Variants in OSBPL3 observed in about 807,000 individuals in gnomAD.
OSBPL3 encodes the protein oxysterol binding protein like 3.
A neutral mutation model predicts 120.1 loss-of-function variants in OSBPL3; 65 were observed. That is an observed-to-expected ratio of 0.54 (90% CI 0.44 to 0.67). OSBPL3 has a LOEUF of 0.67. OSBPL3 is among the 30% of genes least tolerant of loss of function. OSBPL3 has a pLI of 0.00. For missense variants in OSBPL3, 1,004 were observed against 1,082.1 expected, an observed-to-expected ratio of 0.93 and a Z score of 1.01; for synonymous variants, 416 against 402.6, an observed-to-expected ratio of 1.03 and a Z score of -0.40.
At chr7:24,978,947 G>A (rs1389541409) in intron 1 of OSBPL3, among the ~76,000 whole-genome samples, 5 of 152,208 alleles carry the variant, frequency 3.3e-5, no homozygotes, top group African/African-American at 9.6e-5. Flanking sequence ...AAGGAAGGGC[G>A]GCGCGCCCCT....
At position 24,872,604 on chromosome 7, in the gene OSBPL3, T is replaced by G. The variant is rs1393230044; in HGVS notation, c.97-535A>C. Reference sequence around the variant, plus strand: ...TTTGTTGAAAATCAGCATCCACAAATTCTAGGTATTTAAATGTACTGGAAA... The same window carrying G: ...TTTGTTGAAAATCAGCATCCACAAAGTCTAGGTATTTAAATGTACTGGAAA... On this transcript the variant is annotated intron_variant, in intron 2 of 22. Transcript: ENST00000313367. This position sits in a 1 kb window ranked among gnomAD's most constrained non-coding sequence, Gnocchi z 4.1. Among the ~76,000 whole-genome samples, 1 of 152,130 alleles carries G rather than the reference T, an allele frequency of 6.6e-6. No individual in the cohort carries two copies. Among genetic ancestry groups the G allele is most frequent in the Non-Finnish European group, 1.5e-5 (1 of 68,028 alleles).
intron 2 of OSBPL3, among the ~76,000 whole-genome samples, chr7:24,887,702 C>T (rs117509116): frequency 1.9e-3 from 282 of 152,294 alleles, no homozygotes; most frequent in Non-Finnish European, 3.6e-3. Flanking sequence ...GGGTGACAAA[C>T]ACAATGTCCA....
chr7:24,824,214 C>T lies in OSBPL3; in HGVS notation c.1885-3976G>A, dbSNP rs940342605. 6.6e-6 allele frequency among the ~76,000 whole-genome samples: 1 copy of T among 152,154 alleles called. No homozygotes were observed. The highest frequency in any genetic ancestry group is 1.5e-5 in the Non-Finnish European group (1 of 68,018). On this transcript the variant is annotated intron_variant, in intron 16 of 22. Transcript: ENST00000313367. The surrounding 1 kb of genome is among the most constrained non-coding windows in gnomAD (Gnocchi z 4.9). The stretch of plus-strand genomic sequence containing the variant: ...GTAACACATGTATCTATCTTTCTTT[C>T]TACAAGCCCCAATACAGTTCCCCTG...
Position 24,870,825 on chromosome 7 carries a change from ATGCAGCTTCTCTCTCTCTAT to A in OSBPL3, c.268_287del (p.Ile90TrpfsTer4), listed in dbSNP as rs771880283. 1 of 1,613,244 alleles carries A rather than the reference ATGCAGCTTCTCTCTCTCTAT, an allele frequency of 6.2e-7. No homozygotes were observed. The highest frequency in any genetic ancestry group is 2.2e-5 in the East Asian group (1 of 44,878). ...CTGAGAGCCCGACATCAATGCAGCC[ATGCAGCTTCTCTCTCTCTAT>A]CTGCAGAGGCACCAAGAGGGTCACT... On this transcript the variant is annotated frameshift_variant and splice_region_variant, in exon 5 of 23. Transcript: ENST00000313367. LOFTEE classifies it high-confidence loss of function.
In OSBPL3 at chr7:24,862,352, G is replaced by T. The variant is rs1800685098; in HGVS notation, c.871-583C>A. 6.6e-6 allele frequency among the ~76,000 whole-genome samples: 1 copy of T among 152,216 alleles called. No homozygotes were observed. The highest frequency in any genetic ancestry group is 2.4e-5 in the African/African-American group (1 of 41,454). On this transcript the variant is annotated intron_variant, in intron 9 of 22. Coordinates refer to ENST00000313367, the MANE Select transcript of OSBPL3 (RefSeq NM_015550.4). The surrounding 1 kb of genome is among the most constrained non-coding windows in gnomAD (Gnocchi z 4.4). Reference sequence around the variant, plus strand: ...CTATAGGTTGAAAATGACAGCTAAAGCTGCCAGGCTTTCTCATTTATACTC... The same window carrying T: ...CTATAGGTTGAAAATGACAGCTAAATCTGCCAGGCTTTCTCATTTATACTC...
chr7:24,875,727 T>C (rs564620124), intron 2 of OSBPL3, among the ~76,000 whole-genome samples: 42 of 151,114 alleles, frequency 2.8e-4, no homozygotes, highest in South Asian at 8.3e-4. Flanking sequence ...AAAAATTATA[T>C]ATGTAATTTT....
chr7:24,955,852 A>G lies in OSBPL3; in HGVS notation c.-150+24034T>C, dbSNP rs1394750770. On this transcript the variant is annotated intron_variant, in intron 1 of 22. Transcript: ENST00000313367. The surrounding 1 kb of genome is among the most constrained non-coding windows in gnomAD (Gnocchi z 4.3). ...TCTACAGAATGAATGTTTTTTAAAA[A>G]CATACAATCATTGAGCTTCTTCAGC... 6.6e-6 allele frequency among the ~76,000 whole-genome samples: 1 copy of G among 152,246 alleles called. No homozygotes were observed. Among genetic ancestry groups the G allele is most frequent in the Non-Finnish European group, 1.5e-5 (1 of 68,030 alleles).
At chr7:24,942,713 G>A (rs1393429723) in intron 1 of OSBPL3, among the ~76,000 whole-genome samples, 1 of 152,144 alleles carries the variant, frequency 6.6e-6, no homozygotes, top group African/African-American at 2.4e-5. Context: ...CAATACATAT[G>A]TCGTATATTT....
rs919437446 is a variant in OSBPL3, at chr7:24,863,060, C to T, written c.870+140G>A. On this transcript the variant is annotated intron_variant, in intron 9 of 22. Coordinates refer to ENST00000313367, the MANE Select transcript of OSBPL3 (RefSeq NM_015550.4). The surrounding 1 kb of genome is among the most constrained non-coding windows in gnomAD (Gnocchi z 5.8). Reference sequence around the variant, plus strand: ...ATAATCTAAGTGATTCAATTCATCTCGCTACAGAGGACACTGGAAAGAACA... The same window carrying T: ...ATAATCTAAGTGATTCAATTCATCTTGCTACAGAGGACACTGGAAAGAACA... The T allele has an allele frequency of 3.6e-5, 23 of 644,388 alleles. No homozygotes were observed. The highest frequency in any genetic ancestry group is 1.1e-4 in the African/African-American group (6 of 55,100). 39.9% of individuals were successfully genotyped at this position (644,388 alleles called of 1,614,324 possible).
At chr7:24,962,941 T>A (rs1304733652) in intron 1 of OSBPL3, among the ~76,000 whole-genome samples, 1 of 152,218 alleles carries the variant, frequency 6.6e-6, no homozygotes, top group Non-Finnish European at 1.5e-5. Flanking sequence ...CCACCCTCAA[T>A]TATAATAAAA....
At chr7:24,848,227 G>A (rs969657735) in intron 12 of OSBPL3, among the ~76,000 whole-genome samples, 1 of 152,148 alleles carries the variant, frequency 6.6e-6, no homozygotes, top group African/African-American at 2.4e-5. Flanking sequence ...AAAGAAGGAC[G>A]AAACACTATG....
chr7:24,804,171 G>T lies in OSBPL3; in HGVS notation c.2567+144C>A. On this transcript the variant is annotated intron_variant, in intron 22 of 22. Transcript: ENST00000313367. The surrounding 1 kb of genome is among the most constrained non-coding windows in gnomAD (Gnocchi z 5.4). ...AGTGCGGGGGACAGGGCCTGGCACA[G>T]AGGAGCAGTACCCCCACGTGGAAGC... 1.1e-6 allele frequency: 1 copy of T among 928,084 alleles called. No individual in the cohort carries two copies. The highest frequency in any genetic ancestry group is 1.7e-6 in the Non-Finnish European group (1 of 598,548). 57.5% of individuals were successfully genotyped at this position (928,084 alleles called of 1,614,324 possible). A position where few individuals can be genotyped will look rare whatever the true frequency, so the allele number is the denominator to read the frequency against.
In OSBPL3 at chr7:24,834,218, G is replaced by GA. The variant is rs535772135; in HGVS notation, c.1746+267dup. The GA allele has an allele frequency of 7.6e-6, 9 of 1,178,924 alleles. No homozygotes were observed. In the African/African-American group the frequency reaches 1.3e-4, roughly 17 times the overall value. The allele number at this position is 1,178,924 out of a possible 1,614,324, so 73.0% of individuals were successfully genotyped here. A position where few individuals can be genotyped will look rare whatever the true frequency, so the allele number is the denominator to read the frequency against. On this transcript the variant is annotated intron_variant, in intron 15 of 22. Transcript: ENST00000313367. This position sits in a 1 kb window ranked among gnomAD's most constrained non-coding sequence, Gnocchi z 5.2. ...AACAATCAGCCAGAAGGCTTCTGGA[G>GA]AAAGAGGAAGCACAAACCCACAGAA...
In OSBPL3 at chr7:24,952,044, T is replaced by C. The variant is rs1380899588; in HGVS notation, c.-150+27842A>G. 1.3e-5 allele frequency among the ~76,000 whole-genome samples: 2 copies of C among 152,120 alleles called. No homozygotes were observed. The highest frequency in any genetic ancestry group is 4.8e-5 in the African/African-American group (2 of 41,422). On this transcript the variant is annotated intron_variant, in intron 1 of 22. Transcript: ENST00000313367. The surrounding 1 kb of genome is among the most constrained non-coding windows in gnomAD (Gnocchi z 4.4). Reference sequence around the variant, plus strand: ...TTATTAACTGGATTATAACATCTAATAACTAAAAGGAAGAACACGAATGAA... The same window carrying C: ...TTATTAACTGGATTATAACATCTAACAACTAAAAGGAAGAACACGAATGAA...
At chr7:24,845,384 T>TAAAAAAAAAAAAAAAAAAAAAAAAA (rs34559902) in intron 12 of OSBPL3, among the ~76,000 whole-genome samples, 3 of 62,260 alleles carry the variant, frequency 4.8e-5, no homozygotes, top group South Asian at 1.7e-3. Context: ...GCAAAATAAG[T>TAAAAAAAAAAAAAAAAAAAAAAAAA]AAAAAAAAAA....
In OSBPL3 at chr7:24,863,143, C is replaced by T. The variant is rs2285690; in HGVS notation, c.870+57G>A. 0.37 allele frequency: 453,860 copies of T among 1,229,688 alleles called. 93,745 individuals are homozygous for T. Among genetic ancestry groups the T allele is most frequent in the East Asian group, 0.78 (33,469 of 43,108 alleles). The allele number at this position is 1,229,688 out of a possible 1,614,324, so 76.2% of individuals were successfully genotyped here. On this transcript the variant is annotated intron_variant, in intron 9 of 22. Coordinates refer to ENST00000313367, the MANE Select transcript of OSBPL3 (RefSeq NM_015550.4). This position sits in a 1 kb window ranked among gnomAD's most constrained non-coding sequence, Gnocchi z 5.8. ...CTGAGTCAAGGTAGCTGCTGGCACA[C>T]GGCATGCAGAGCAGGGCCAATGAAG...
In OSBPL3 at chr7:24,839,991, C is replaced by CAAAAAAAAAAAAAAA. The variant is rs71675250; in HGVS notation, c.1495+684_1495+698dup. Among the ~76,000 whole-genome samples the CAAAAAAAAAAAAAAA allele has an allele frequency of 7.1e-4, 38 of 53,296 alleles. 3 individuals are homozygous for CAAAAAAAAAAAAAAA. Among genetic ancestry groups the CAAAAAAAAAAAAAAA allele is most frequent in the East Asian group, 2.2e-3 (4 of 1,838 alleles). 35.0% of individuals were successfully genotyped at this position (53,296 alleles called of 152,430 possible). ...GGGGACAGAAAGAGACTCCATCTCA[C>CAAAAAAAAAAAAAAA]AAAAAAAAAAAAAAAAAAAAAAAAA... On this transcript the variant is annotated intron_variant, in intron 14 of 22. Transcript: ENST00000313367.
intron 1 of OSBPL3, among the ~76,000 whole-genome samples, chr7:24,973,080 G>A (rs149): frequency 0.32 from 47,912 of 151,946 alleles, 7,741 homozygotes; most frequent in African/African-American, 0.39. Context: ...GAGATCCTCT[G>A]CCAATCCCAC....
chr7:24,830,673 A>G lies in OSBPL3; in HGVS notation c.1884+95T>C, dbSNP rs1584280210. ...ACTGTAATTATCTCGGCTGCTTTGAAGCCAGTGAAAGGTGGAAGATAAATA... is the reference window on the plus strand; with the variant it reads ...ACTGTAATTATCTCGGCTGCTTTGAGGCCAGTGAAAGGTGGAAGATAAATA... On this transcript the variant is annotated intron_variant, in intron 16 of 22. Transcript: ENST00000313367. The surrounding 1 kb of genome is among the most constrained non-coding windows in gnomAD (Gnocchi z 4.4). 8.4e-7 allele frequency: 1 copy of G among 1,195,760 alleles called. No homozygotes were observed. The highest frequency in any genetic ancestry group is 2.4e-5 in the East Asian group (1 of 41,118). The allele number at this position is 1,195,760 out of a possible 1,614,324, so 74.1% of individuals were successfully genotyped here. A position where few individuals can be genotyped will look rare whatever the true frequency, so the allele number is the denominator to read the frequency against.
Sources: gnomAD v4.1 joint callset for allele counts (sites outside exome capture counted in the v4.1 genomes callset) on GRCh38, gnomAD v4.1.1 for gene constraint, Gnocchi (gnomAD v3.1) non-coding constraint, MANE v1.5 for transcripts, NCBI Gene and HGNC (gene_info 2026-07-23, HGNC 2026-07-21) for gene names.